The following RNLS variants were observed in gnomAD, a reference collection of about 807,000 sequenced individuals.
RNLS encodes renalase.
A neutral mutation model predicts 39.8 loss-of-function variants in RNLS; 39 were observed. The observed-to-expected ratio is 0.98, with a 90% CI of 0.76 to 1.28. The LOEUF is 1.28. Among genes scored for constraint, RNLS ranks in the 50% most tolerant of loss-of-function variants. The pLI is 0.00. For missense variants in RNLS, 410 were observed against 413.3 expected (o/e 0.99, Z 0.07); for synonymous variants, 147 against 150.7 (o/e 0.98, Z 0.18).
At chr10:88,498,402 A>G (rs1176083558) in intron 4 of RNLS, among the ~76,000 whole-genome samples, 1 of 151,604 alleles carries the variant, frequency 6.6e-6, no homozygotes, top group Non-Finnish European at 1.5e-5. Flanking sequence ...AAAGAAAAAG[A>G]AAGACCAAGG....
chr10:88,267,862 G>T, the RNLS span, among the ~76,000 whole-genome samples: 2 of 152,156 alleles, frequency 1.3e-5, no homozygotes. Context: ...GGTCTCAGAG[G>T]CCACAGAAGG....
intron 4 of RNLS, among the ~76,000 whole-genome samples, chr10:88,384,369 A>C (rs1030301817): frequency 2.0e-5 from 3 of 152,238 alleles, no homozygotes; most frequent in African/African-American, 7.2e-5. Flanking sequence ...TAACAATGAT[A>C]TAGATAGTAC....
chr10:88,260,161 C>T, the RNLS span, among the ~76,000 whole-genome samples: 4 of 152,156 alleles, frequency 2.6e-5, no homozygotes, highest in African/African-American at 9.7e-5. Context: ...GACCAATCCC[C>T]CTCATAATTT....
the RNLS span, among the ~76,000 whole-genome samples, chr10:88,223,655 G>T: frequency 6.6e-6 from 1 of 152,140 alleles, no homozygotes; most frequent in Non-Finnish European, 1.5e-5. Flanking sequence ...ATGGAGATAT[G>T]TCTTTTAGTT....
chr10:88,503,864 T>C (rs1018227570), intron 4 of RNLS, among the ~76,000 whole-genome samples: 2 of 152,098 alleles, frequency 1.3e-5, no homozygotes, highest in Admixed American at 1.3e-4. Context: ...TAATATTAGG[T>C]TATAAAATGA....
intron 4 of RNLS, among the ~76,000 whole-genome samples, chr10:88,520,955 G>A (rs1394532969): frequency 6.6e-6 from 1 of 151,888 alleles, no homozygotes; most frequent in African/African-American, 2.4e-5. Context: ...TTCCTCATGG[G>A]ATATCATTTC....
At chr10:88,206,421 A>G in the RNLS span, among the ~76,000 whole-genome samples, 13 of 152,284 alleles carry the variant, frequency 8.5e-5, no homozygotes, top group South Asian at 2.7e-3. Flanking sequence ...TGTCTCTTTC[A>G]GTGTATTAAA....
At chr10:88,204,291 G>A in the RNLS span, among the ~76,000 whole-genome samples, 53 of 152,130 alleles carry the variant, frequency 3.5e-4, no homozygotes, top group Non-Finnish European at 4.4e-4. Flanking sequence ...ACAGATAAGC[G>A]TCGTTCAAAT....
At position 88,574,505 on chromosome 10, in the gene RNLS, T is replaced by A. The variant is rs1350501579; in HGVS notation, c.368-1444A>T. 3.3e-5 allele frequency among the ~76,000 whole-genome samples: 5 copies of A among 152,244 alleles called. No individual in the cohort carries two copies. In the East Asian group the frequency reaches 9.6e-4, roughly 29 times the overall value. ...TTGACATTGATTCAAAATATCTGCATGCTTTAGTTGTATCTTATCTATGTA... is the reference window on the plus strand; with the variant it reads ...TTGACATTGATTCAAAATATCTGCAAGCTTTAGTTGTATCTTATCTATGTA... On this transcript the variant is annotated intron_variant, in intron 3 of 6. Transcript: ENST00000331772.
intron 4 of RNLS, among the ~76,000 whole-genome samples, chr10:88,562,028 A>C (rs1849221409): frequency 6.6e-6 from 1 of 152,110 alleles, no homozygotes; most frequent in Non-Finnish European, 1.5e-5. Context: ...AAGATTGATA[A>C]AAATTTAAAA....
chr10:88,195,134 G>A, the RNLS span, among the ~76,000 whole-genome samples: 12 of 151,738 alleles, frequency 7.9e-5, no homozygotes, highest in East Asian at 2.3e-3. Context: ...TGGTCTGTGC[G>A]TCTTCTTTTT....
At chr10:88,399,955 C>T (rs768955022) in intron 4 of RNLS, among the ~76,000 whole-genome samples, 12 of 151,954 alleles carry the variant, frequency 7.9e-5, no homozygotes, top group Non-Finnish European at 1.3e-4. Context: ...TTCCAGCTTC[C>T]GGTGGCTGTC....
At chr10:88,322,257 C>A (rs1481782209) in intron 5 of RNLS, among the ~76,000 whole-genome samples, 1 of 152,126 alleles carries the variant, frequency 6.6e-6, no homozygotes, top group Non-Finnish European at 1.5e-5. Flanking sequence ...AACCCTCCAA[C>A]GAACTAGGCA....
chr10:88,413,861 T>G (rs1311022191), intron 4 of RNLS, among the ~76,000 whole-genome samples: 26 of 152,194 alleles, frequency 1.7e-4, no homozygotes, highest in Admixed American at 1.7e-3. Context: ...TACTTCCTAC[T>G]CATCATTTGA....
At chr10:88,433,498 CATA>C (rs1432065943) in intron 4 of RNLS, among the ~76,000 whole-genome samples, 1 of 151,894 alleles carries the variant, frequency 6.6e-6, no homozygotes, top group East Asian at 1.9e-4. Context: ...ATCTAAATAC[CATA>C]ATATTTATTT....
At chr10:88,496,796 GC>G (rs1032840966) in intron 4 of RNLS, among the ~76,000 whole-genome samples, 3 of 152,068 alleles carry the variant, frequency 2.0e-5, no homozygotes, top group Non-Finnish European at 4.4e-5. Flanking sequence ...CCTATGATAT[GC>G]AGCCAGAGAA....
Position 88,419,820 on chromosome 10 carries a change from C to T in RNLS, c.527-57095G>A, listed in dbSNP as rs909887370. On this transcript the variant is annotated intron_variant, in intron 4 of 6. Coordinates refer to ENST00000331772, the MANE Select transcript of RNLS (RefSeq NM_001031709.3). ...AGGAGTTTGAGACCAGCTTGGCCAGCATGGTGAAACCCTGTCTCTACTAAA... is the reference window on the plus strand; with the variant it reads ...AGGAGTTTGAGACCAGCTTGGCCAGTATGGTGAAACCCTGTCTCTACTAAA... Among the ~76,000 whole-genome samples, 5 of 151,792 alleles carry T rather than the reference C, an allele frequency of 3.3e-5. No homozygotes were observed. The South Asian group carries it at 1.0e-3, about 32-fold the overall frequency.
intron 4 of RNLS, among the ~76,000 whole-genome samples, chr10:88,477,600 CA>C (rs1489667157): frequency 6.6e-6 from 1 of 152,130 alleles, no homozygotes; most frequent in East Asian, 1.9e-4. Flanking sequence ...ACAGGGATGA[CA>C]GAAATTTGAA....
In RNLS at chr10:88,365,803, G is replaced by A. The variant is rs138623460; in HGVS notation, c.527-3078C>T. Among the ~76,000 whole-genome samples the A allele has an allele frequency of 3.7e-3, 558 of 151,942 alleles. 3 individuals carry two copies. Among genetic ancestry groups the A allele is most frequent in the African/African-American group, 0.013 (533 of 41,442 alleles). Reference sequence around the variant, plus strand: ...GGAGAAAAAGAGAGAGAAGAGGAGGGTGAGAGAGAGGAACAGAAGACCTGG... The same window carrying A: ...GGAGAAAAAGAGAGAGAAGAGGAGGATGAGAGAGAGGAACAGAAGACCTGG... On this transcript the variant is annotated intron_variant, in intron 4 of 6. Transcript: ENST00000331772.
Sources: allele counts gnomAD v4.1 joint callset (sites outside exome capture counted in the v4.1 genomes callset), GRCh38; gene constraint gnomAD v4.1.1; transcripts MANE v1.5; gene names NCBI Gene and HGNC (gene_info 2026-07-23, HGNC 2026-07-21).